Variants in IMPA2 observed in about 807,000 individuals in gnomAD.
IMPA2 encodes the protein IMP 2.
Under a neutral mutation model 35.1 loss-of-function variants are expected in IMPA2, and 32 were observed. The ratio of observed to expected loss-of-function variants is 0.91; its 90% CI spans 0.69 to 1.23. The LOEUF (loss-of-function observed/expected upper bound fraction) is 1.23, where lower values mean the gene tolerates loss of function less well. Ranked by LOEUF, IMPA2 falls within the 50% of genes most tolerant of loss-of-function variation. IMPA2 has a pLI of 0.00. For missense variants in IMPA2, 334 were observed against 387.6 expected (o/e 0.86, Z 1.16); for synonymous variants, 135 against 160.6 (o/e 0.84, Z 1.20).
chr18:12,014,712 C>G (rs1907530559), intron 5 of IMPA2, among the ~76,000 whole-genome samples: 1 of 152,148 alleles, frequency 6.6e-6, no homozygotes, highest in East Asian at 1.9e-4. Flanking sequence ...GAGCACCCGG[C>G]ACACCTCGGT....
At chr18:12,014,211 C>G (rs1377881566) in intron 4 of IMPA2, 54 bp from the exon 5 acceptor site, 12 of 1,246,242 alleles carry the variant, frequency 9.6e-6, no homozygotes, top group Non-Finnish European at 1.4e-5. Context: ...TGTTTTTTCC[C>G]ACATCAAACG....
intron 1 of IMPA2, among the ~76,000 whole-genome samples, chr18:11,986,539 C>T (rs1906671348): frequency 6.6e-6 from 1 of 152,198 alleles, no homozygotes; most frequent in Admixed American, 6.5e-5. Flanking sequence ...GCAGAAGGCA[C>T]ATTGGTGGGC....
intron 2 of IMPA2, among the ~76,000 whole-genome samples, chr18:12,000,334 C>CTT (rs533943091): frequency 4.8e-4 from 53 of 111,236 alleles, no homozygotes; most frequent in Non-Finnish European, 6.3e-4. Context: ...CCACCTGGCT[C>CTT]TTTTTTTTTT....
intron 2 of IMPA2, among the ~76,000 whole-genome samples, chr18:12,002,964 G>A (rs7244661): frequency 0.42 from 64,246 of 151,406 alleles, 15,915 homozygotes; most frequent in African/African-American, 0.67. Context: ...AGGCCGAGGC[G>A]GGTGGATCAC....
chr18:12,026,108 C>T (rs1338934210), intron 5 of IMPA2, among the ~76,000 whole-genome samples: 3 of 146,060 alleles, frequency 2.1e-5, no homozygotes, highest in African/African-American at 7.6e-5. Context: ...GATCTTGGCT[C>T]ACTGCAACCT....
At chr18:12,015,784 T>C (rs1160557255) in intron 5 of IMPA2, among the ~76,000 whole-genome samples, 1 of 152,220 alleles carries the variant, frequency 6.6e-6, no homozygotes, top group Non-Finnish European at 1.5e-5. Context: ...AGGTGCCCAC[T>C]CCAGCCTCAT....
chr18:11,987,958 G>A (rs114540468), intron 1 of IMPA2, among the ~76,000 whole-genome samples: 2,862 of 143,628 alleles, frequency 0.02, 92 homozygotes, highest in African/African-American at 0.068. Context: ...TTTAATTTGC[G>A]TTTCTTAGAT....
Position 12,002,279 on chromosome 18 carries a change from G to C in IMPA2, c.230+3092G>C, listed in dbSNP as rs73946211. Among the ~76,000 whole-genome samples the C allele has an allele frequency of 9.5e-3, 1,446 of 152,168 alleles. 25 individuals are homozygous for C. The highest frequency in any genetic ancestry group is 0.033 in the African/African-American group (1,366 of 41,500). On this transcript the variant is annotated intron_variant, in intron 2 of 7. Coordinates refer to ENST00000269159, the MANE Select transcript of IMPA2 (RefSeq NM_014214.3). ...TTGCCTCTCATCCTCCTTTAGGAAA[G>C]ACTTTTATTCTGAGCTTTTCTCTTT...
At position 11,986,452 on chromosome 18, in the gene IMPA2, C is replaced by T. The variant is rs919925960; in HGVS notation, c.96+4687C>T. On this transcript the variant is annotated intron_variant, in intron 1 of 7. Coordinates refer to ENST00000269159, the MANE Select transcript of IMPA2 (RefSeq NM_014214.3). ...GGCACTCCTCATGACTTTATTTATC[C>T]TTGCCTGGTGGTGTGCCCTCCACAC... Among the ~76,000 whole-genome samples, 4 of 152,234 alleles carry T rather than the reference C, an allele frequency of 2.6e-5. No homozygotes were observed. In the South Asian group the frequency reaches 8.3e-4, roughly 32 times the overall value.
intron 7 of IMPA2, 61 bp from the exon 8 acceptor site, chr18:12,030,282 C>T (rs1217877550): frequency 7.0e-6 from 9 of 1,280,106 alleles, no homozygotes; most frequent in Non-Finnish European, 1.0e-5. Context: ...TAAGTTGTTA[C>T]ACAACATTGT....
intron 1 of IMPA2, among the ~76,000 whole-genome samples, chr18:11,984,240 C>T (rs992303108): frequency 7.2e-5 from 11 of 152,334 alleles, no homozygotes; most frequent in Admixed American, 2.6e-4. Context: ...CCCTCACCTG[C>T]CCCCTCCATG....
At chr18:12,003,994 GCCC>G (rs1384864863) in intron 2 of IMPA2, among the ~76,000 whole-genome samples, 3 of 152,254 alleles carry the variant, frequency 2.0e-5, no homozygotes, top group Admixed American at 2.0e-4. Flanking sequence ...TGTCTTCCCA[GCCC>G]TGCTCCAGAG....
Position 11,981,731 on chromosome 18 carries a change from A to C in IMPA2, c.62A>C (p.Gln21Pro), listed in dbSNP as rs978115383. The C allele has an allele frequency of 8.1e-7, 1 of 1,229,538 alleles. No homozygotes were observed. Among genetic ancestry groups the C allele is most frequent in the Non-Finnish European group, 1.0e-6 (1 of 986,414 alleles). The allele number at this position is 1,229,538 out of a possible 1,614,324, so 76.2% of individuals were successfully genotyped here. ...GCCGGCCCCTGGGAGGAGTGCTTCC[A>C]GGCGGCCGTGCAGCTGGCGCTGCGG... ...LAAGPWEECF[Q>P]AAVQLALRAG... Residue 21 changes from glutamine to proline, a missense_variant, in exon 1 of 8, where the codon CAG (glutamine) becomes CCG (proline). Transcript: ENST00000269159.
chr18:12,026,993 G>C (rs891090901), intron 5 of IMPA2, among the ~76,000 whole-genome samples: 1 of 152,230 alleles, frequency 6.6e-6, no homozygotes, highest in East Asian at 1.9e-4. Context: ...AGGGACACTT[G>C]GACCTGGATT....
chr18:11,991,752 G>A lies in IMPA2; in HGVS notation c.97-7302G>A, dbSNP rs531428753. Among the ~76,000 whole-genome samples the A allele has an allele frequency of 2.6e-4, 40 of 152,252 alleles. No individual in the cohort carries two copies. Among genetic ancestry groups the A allele is most frequent in the African/African-American group, 9.4e-4 (39 of 41,552 alleles). On this transcript the variant is annotated intron_variant, in intron 1 of 7. Transcript: ENST00000269159. This position sits in a 1 kb window ranked among gnomAD's most constrained non-coding sequence, Gnocchi z 4.1. ...GGGTCAGCCTTTTCATTCTGTTTGG[G>A]CCCTCAGCTGTTGGACAAGGCCTGC...
chr18:12,002,153 T>C (rs989239982), intron 2 of IMPA2, among the ~76,000 whole-genome samples: 10 of 152,254 alleles, frequency 6.6e-5, no homozygotes, highest in East Asian at 1.9e-4. Context: ...AAATTTGTGA[T>C]GAGAGAAAAT....
Position 12,028,086 on chromosome 18 carries a change from T to C in IMPA2, c.534T>C (p.Arg178=). The C allele has an allele frequency of 6.2e-7, 1 of 1,614,092 alleles. No homozygotes were observed. The highest frequency in any genetic ancestry group is 1.6e-4 in the Middle Eastern group (1 of 6,062). Residue 178 remains arginine, a synonymous_variant, in exon 6 of 8, where the codon CGT becomes CGC. Transcript: ENST00000269159. ...ALVLTEIGPK[R]DPATLKLFLS... ...TTCTGACAGAAATTGGCCCCAAACG[T>C]GACCCTGCGACCCTGAAGCTGTTCC...
chr18:11,999,248 G>A, intron 2 of IMPA2, 61 bp downstream of exon 2: 1 of 1,511,468 alleles, frequency 6.6e-7, no homozygotes, highest in East Asian at 2.4e-5. Context: ...AGAGAATGCA[G>A]GGTCTGCCGG....
chr18:12,021,989 A>G (rs1322874597), intron 5 of IMPA2, among the ~76,000 whole-genome samples: 1 of 152,218 alleles, frequency 6.6e-6, no homozygotes, highest in Non-Finnish European at 1.5e-5. Context: ...GAAAGAATAA[A>G]CAGAGATGTC....
Sources: gnomAD v4.1 joint callset for allele counts (sites outside exome capture counted in the v4.1 genomes callset) on GRCh38, gnomAD v4.1.1 for gene constraint, Gnocchi (gnomAD v3.1) non-coding constraint, MANE v1.5 for transcripts, NCBI Gene and HGNC (gene_info 2026-07-23, HGNC 2026-07-21) for gene names.